Variants in RTN4 observed in about 807,000 individuals in gnomAD.
The protein encoded by RTN4 is reticulon 4, also known as reticulon-4.
RTN4 carries 32 observed loss-of-function variants against 90.4 expected under a neutral mutation model. The ratio of observed to expected loss-of-function variants is 0.35; its 90% CI spans 0.27 to 0.48. RTN4 has a LOEUF of 0.48. Among genes scored for constraint, RTN4 ranks in the 20% least tolerant of loss-of-function variants. RTN4 has a pLI of 0.99. For missense variants in RTN4, 1,706 were observed against 1,430.2 expected (o/e 1.19, Z -3.11); for synonymous variants, 629 against 552.5 (o/e 1.14, Z -1.94).
At chr2:55,021,962 A>T (rs944687709) in intron 3 of RTN4, among the ~76,000 whole-genome samples, 1 of 152,224 alleles carries the variant, frequency 6.6e-6, no homozygotes, top group Non-Finnish European at 1.5e-5. Flanking sequence ...CAGAGAAGGG[A>T]GATAAACATA....
chr2:55,057,037 A>G (rs1015968382), intron 2 of RTN4, among the ~76,000 whole-genome samples: 2 of 152,212 alleles, frequency 1.3e-5, no homozygotes, highest in Admixed American at 1.3e-4. Context: ...CTGACCCCAG[A>G]AAAAATGCAC....
At chr2:55,105,932 A>G (rs1419748580) in intron 1 of RTN4, among the ~76,000 whole-genome samples, 1 of 152,140 alleles carries the variant, frequency 6.6e-6, no homozygotes, top group African/African-American at 2.4e-5. Flanking sequence ...GTGAGCTATT[A>G]TCATGCCACT....
chr2:55,005,509 G>T (rs892497512), intron 3 of RTN4, among the ~76,000 whole-genome samples: 3 of 152,156 alleles, frequency 2.0e-5, no homozygotes, highest in Non-Finnish European at 2.9e-5. Context: ...CACATTCACT[G>T]ATGAAAATAA....
At chr2:54,994,298 A>G (rs1238642067) in intron 3 of RTN4, among the ~76,000 whole-genome samples, 1 of 152,228 alleles carries the variant, frequency 6.6e-6, no homozygotes, top group Non-Finnish European at 1.5e-5. Flanking sequence ...ACAGATAAAT[A>G]TCCCTTATGA....
chr2:55,007,871 T>C (rs953085577), intron 3 of RTN4, among the ~76,000 whole-genome samples: 13 of 152,076 alleles, frequency 8.5e-5, no homozygotes, highest in African/African-American at 2.9e-4. Flanking sequence ...TTATTTACTG[T>C]CTCAACTATA....
At chr2:55,104,846 G>A (rs2968817) in intron 1 of RTN4, among the ~76,000 whole-genome samples, 35,917 of 151,808 alleles carry the variant, frequency 0.24, 5,042 homozygotes, top group East Asian at 0.45. Flanking sequence ...TCATTCTGTC[G>A]CCCAGGCTGG....
chr2:54,995,008 G>T (rs980494354), intron 3 of RTN4, among the ~76,000 whole-genome samples: 1 of 152,136 alleles, frequency 6.6e-6, no homozygotes, highest in African/African-American at 2.4e-5. Context: ...ACTTTCAGAG[G>T]CCAAGGCAGG....
chr2:54,995,665 G>A (rs1053044394), intron 3 of RTN4, among the ~76,000 whole-genome samples: 6 of 152,024 alleles, frequency 3.9e-5, no homozygotes, highest in African/African-American at 1.2e-4. Flanking sequence ...AGGGTGCAAG[G>A]CAGGAACCAA....
intron 1 of RTN4, 172 bp downstream of exon 1, chr2:55,049,573 C>A (rs1263008264): frequency 9.2e-7 from 1 of 1,083,324 alleles, no homozygotes; most frequent in South Asian, 1.4e-5. Context: ...CTCCAAGGGC[C>A]GCCCCACCCT....
intron 5 of RTN4, among the ~76,000 whole-genome samples, chr2:54,975,612 C>A (rs1677562841): frequency 6.6e-6 from 1 of 152,232 alleles, no homozygotes; most frequent in South Asian, 2.1e-4. Context: ...ACCACCCACT[C>A]TTAGCTCCCA....
At chr2:55,100,542 C>A (rs1402701070) in intron 1 of RTN4, among the ~76,000 whole-genome samples, 1 of 152,100 alleles carries the variant, frequency 6.6e-6, no homozygotes, top group Non-Finnish European at 1.5e-5. Context: ...AAGCAGCAGA[C>A]CTGTGGGCTG....
chr2:55,040,919 TTC>T (rs1341509263), intron 1 of RTN4, among the ~76,000 whole-genome samples: 1 of 151,960 alleles, frequency 6.6e-6, no homozygotes, highest in Non-Finnish European at 1.5e-5. Flanking sequence ...GTGGTAACAA[TTC>T]CATCAATGAG....
intron 4 of RTN4, among the ~76,000 whole-genome samples, chr2:54,983,052 T>A (rs1678268493): frequency 6.6e-6 from 1 of 151,914 alleles, no homozygotes; most frequent in African/African-American, 2.4e-5. Flanking sequence ...AAATGGTAGT[T>A]ATGACTATGG....
intron 1 of RTN4, among the ~76,000 whole-genome samples, chr2:55,030,541 C>T (rs10496037): frequency 0.15 from 22,912 of 152,040 alleles, 2,052 homozygotes; most frequent in African/African-American, 0.26. Context: ...ACAACTGTAA[C>T]TCTTAGCCTT....
intron 1 of RTN4, among the ~76,000 whole-genome samples, chr2:55,103,776 C>A (rs919476930): frequency 4.6e-5 from 7 of 151,978 alleles, no homozygotes; most frequent in Non-Finnish European, 8.8e-5. Flanking sequence ...CTCACTGCAA[C>A]CTCCACCTCC....
At chr2:55,096,262 G>A (rs576292229) in intron 1 of RTN4, among the ~76,000 whole-genome samples, 4 of 151,828 alleles carry the variant, frequency 2.6e-5, no homozygotes, top group African/African-American at 9.7e-5. Flanking sequence ...GGAGGCGGAG[G>A]TTGCTGTGAG....
intron 1 of RTN4, among the ~76,000 whole-genome samples, chr2:55,098,045 TG>T (rs754800209): frequency 6.6e-6 from 1 of 152,130 alleles, no homozygotes; most frequent in Non-Finnish European, 1.5e-5. Context: ...ATCTCCCAGC[TG>T]TTACTATCCT....
chr2:54,975,515 G>C (rs1160401967), intron 5 of RTN4, among the ~76,000 whole-genome samples: 1 of 152,160 alleles, frequency 6.6e-6, no homozygotes, highest in Non-Finnish European at 1.5e-5. Flanking sequence ...TGAAGAGCCA[G>C]ACAGTAGAAT....
chr2:55,054,492 C>T (rs79909493), upstream of RTN4, among the ~76,000 whole-genome samples: 1,787 of 152,240 alleles, frequency 0.012, 42 homozygotes, highest in African/African-American at 0.04. Flanking sequence ...AGTATTATAC[C>T]TTATTTGCAG....
Sources: allele counts gnomAD v4.1 joint callset (sites outside exome capture counted in the v4.1 genomes callset), GRCh38; gene constraint gnomAD v4.1.1; transcripts MANE v1.5; gene names NCBI Gene and HGNC (gene_info 2026-07-23, HGNC 2026-07-21).